Variants in THSD7B observed in about 807,000 individuals in gnomAD.
The protein encoded by THSD7B is thrombospondin type-1 domain-containing protein 7B.
Under a neutral mutation model 213.6 loss-of-function variants are expected in THSD7B, and 138 were observed. The observed-to-expected ratio is 0.65, with a 90% CI of 0.56 to 0.74. The LOEUF (loss-of-function observed/expected upper bound fraction) is 0.74, where lower values mean the gene tolerates loss of function less well. THSD7B is among the 30% of genes least tolerant of loss of function. The pLI is 0.00. For missense variants in THSD7B, 1,931 were observed against 1,991.5 expected, an observed-to-expected ratio of 0.97 and a Z score of 0.58; for synonymous variants, 742 against 687.0, an observed-to-expected ratio of 1.08 and a Z score of -1.25.
intron 1 of THSD7B, among the ~76,000 whole-genome samples, chr2:136,771,049 G>A (rs1192131904): frequency 3.3e-5 from 5 of 152,076 alleles, no homozygotes; most frequent in Non-Finnish European, 7.4e-5. Context: ...AGCTGTCTCA[G>A]ACCACTTAAT....
chr2:137,272,320 A>G (rs1012756385), intron 10 of THSD7B, among the ~76,000 whole-genome samples: 1 of 152,118 alleles, frequency 6.6e-6, no homozygotes, highest in Non-Finnish European at 1.5e-5. Context: ...AAATAATTAT[A>G]TTCGAAATCA....
At chr2:137,553,979 A>G (rs1308577483) in intron 15 of THSD7B, among the ~76,000 whole-genome samples, 1 of 150,522 alleles carries the variant, frequency 6.6e-6, no homozygotes, top group African/African-American at 2.4e-5. Context: ...TGCCTGTTGG[A>G]CAAAAGCTTT....
intron 15 of THSD7B, among the ~76,000 whole-genome samples, chr2:137,487,659 C>T (rs1418411059): frequency 6.6e-6 from 1 of 150,756 alleles, no homozygotes; most frequent in Non-Finnish European, 1.5e-5. Context: ...GAAATACAAA[C>T]TACCATCAGA....
chr2:137,126,225 A>C (rs904785910), intron 5 of THSD7B, among the ~76,000 whole-genome samples: 1 of 152,126 alleles, frequency 6.6e-6, no homozygotes, highest in Non-Finnish European at 1.5e-5. Flanking sequence ...CTCTTTAGCT[A>C]TGGAAGTCCT....
At chr2:137,099,844 G>A (rs943578517) in intron 4 of THSD7B, among the ~76,000 whole-genome samples, 5 of 152,118 alleles carry the variant, frequency 3.3e-5, no homozygotes, top group African/African-American at 4.8e-5. Context: ...GTAAAATATC[G>A]TTCCAATACT....
chr2:136,863,793 A>G (rs77261478), intron 1 of THSD7B, among the ~76,000 whole-genome samples: 3,434 of 152,284 alleles, frequency 0.023, 66 homozygotes, highest in South Asian at 0.064. Context: ...AGCTTCAACA[A>G]AAACAAATCA....
chr2:137,340,438 C>G (rs1451209706), intron 12 of THSD7B, among the ~76,000 whole-genome samples: 1 of 151,824 alleles, frequency 6.6e-6, no homozygotes, highest in Non-Finnish European at 1.5e-5. Context: ...ACCTCAAATA[C>G]TTAAAAAGTT....
At chr2:137,574,638 C>T (rs1161646141) in intron 17 of THSD7B, among the ~76,000 whole-genome samples, 2 of 152,068 alleles carry the variant, frequency 1.3e-5, no homozygotes, top group Non-Finnish European at 2.9e-5. Context: ...TTTTCAGATG[C>T]TATGCTGTAC....
At chr2:136,974,284 A>C (rs1236039129) in intron 2 of THSD7B, among the ~76,000 whole-genome samples, 1 of 152,120 alleles carries the variant, frequency 6.6e-6, no homozygotes, top group Admixed American at 6.6e-5. Context: ...TGCAGCTATC[A>C]ACCCATCACC....
intron 1 of THSD7B, among the ~76,000 whole-genome samples, chr2:136,846,363 G>A (rs1683010698): frequency 6.6e-6 from 1 of 152,106 alleles, no homozygotes; most frequent in African/African-American, 2.4e-5. Flanking sequence ...GCTTAGTGTT[G>A]TGTGGGAAAG....
At chr2:136,906,265 CTT>C (rs1368421478) in intron 2 of THSD7B, among the ~76,000 whole-genome samples, 1 of 152,132 alleles carries the variant, frequency 6.6e-6, no homozygotes, top group Non-Finnish European at 1.5e-5. Flanking sequence ...AGCTTCCTAA[CTT>C]TAAATACCCA....
At chr2:137,107,136 A>C (rs1202210193) in intron 4 of THSD7B, among the ~76,000 whole-genome samples, 4 of 152,248 alleles carry the variant, frequency 2.6e-5, no homozygotes, top group Non-Finnish European at 4.4e-5. Flanking sequence ...GCTTGGAACC[A>C]ACCCAAATGC....
chr2:137,438,157 T>C (rs929983594), intron 14 of THSD7B, among the ~76,000 whole-genome samples: 2 of 152,130 alleles, frequency 1.3e-5, no homozygotes, highest in African/African-American at 4.8e-5. Context: ...ACTTTAGAGA[T>C]AAGAAAATTG....
intron 16 of THSD7B, among the ~76,000 whole-genome samples, chr2:137,568,505 G>C (rs1291791878): frequency 6.6e-6 from 1 of 152,100 alleles, no homozygotes; most frequent in Non-Finnish European, 1.5e-5. Flanking sequence ...CTGCTATAAA[G>C]AAATACCCGA....
At chr2:136,987,093 C>G (rs1300264041) in intron 2 of THSD7B, among the ~76,000 whole-genome samples, 1 of 152,138 alleles carries the variant, frequency 6.6e-6, no homozygotes, top group Non-Finnish European at 1.5e-5. Context: ...TTATCAGTAC[C>G]TCCATTTCAC....
intron 2 of THSD7B, among the ~76,000 whole-genome samples, chr2:137,031,213 G>A (rs1330648333): frequency 2.2e-5 from 2 of 91,602 alleles, no homozygotes; most frequent in South Asian, 8.4e-4. Context: ...GCATGGTGGC[G>A]GGTTGCCTGT....
chr2:137,252,280 A>C (rs868439047), intron 10 of THSD7B, among the ~76,000 whole-genome samples: 3 of 150,370 alleles, frequency 2.0e-5, no homozygotes, highest in Non-Finnish European at 4.4e-5. Flanking sequence ...AAAAAAAAAA[A>C]AAAAAAAAAA....
At chr2:137,105,218 T>A (rs1036517432) in intron 4 of THSD7B, among the ~76,000 whole-genome samples, 4 of 152,158 alleles carry the variant, frequency 2.6e-5, no homozygotes, top group African/African-American at 9.7e-5. Flanking sequence ...CATGATCAAG[T>A]CAGCTTCATC....
intron 12 of THSD7B, among the ~76,000 whole-genome samples, chr2:137,341,351 C>T (rs768182963): frequency 8.6e-5 from 13 of 151,354 alleles, no homozygotes; most frequent in South Asian, 8.3e-4. Flanking sequence ...AACCCCTTCT[C>T]AGATATATGG....
Sources: gnomAD v4.1 joint callset for allele counts (sites outside exome capture counted in the v4.1 genomes callset) on GRCh38, gnomAD v4.1.1 for gene constraint, MANE v1.5 for transcripts, NCBI Gene and HGNC (gene_info 2026-07-23, HGNC 2026-07-21) for gene names.